Variants in PACRG observed in about 807,000 individuals in gnomAD.
The protein encoded by PACRG is parkin coregulated gene protein.
Under a neutral mutation model 29.7 loss-of-function variants are expected in PACRG, and 29 were observed. The observed-to-expected ratio is 0.98, with a 90% CI of 0.73 to 1.33. The LOEUF is 1.33. Ranked by LOEUF, PACRG falls within the 40% of genes most tolerant of loss-of-function variation. PACRG has a pLI of 0.00. For missense variants in PACRG, 279 were observed against 316.2 expected (o/e 0.88, Z 0.89); for synonymous variants, 116 against 118.7 (o/e 0.98, Z 0.15).
intron 2 of PACRG, among the ~76,000 whole-genome samples, chr6:162,848,852 T>G (rs1584534050): frequency 6.6e-6 from 1 of 152,368 alleles, no homozygotes; most frequent in Middle Eastern, 3.4e-3. Flanking sequence ...GCCTTCTGAA[T>G]TTCAGTGATT....
chr6:163,247,085 T>C (rs1344953962), intron 4 of PACRG, among the ~76,000 whole-genome samples: 1 of 152,198 alleles, frequency 6.6e-6, no homozygotes, highest in Non-Finnish European at 1.5e-5. Flanking sequence ...GGGGCTGAGT[T>C]CATACGCTCC....
intron 2 of PACRG, among the ~76,000 whole-genome samples, chr6:162,966,879 C>G (rs1007608611): frequency 6.6e-6 from 1 of 152,060 alleles, no homozygotes; most frequent in Non-Finnish European, 1.5e-5. Flanking sequence ...ACAAATGGTA[C>G]TTTATTGGAA....
At chr6:163,116,410 A>G (rs1207467692) in intron 4 of PACRG, among the ~76,000 whole-genome samples, 1 of 152,072 alleles carries the variant, frequency 6.6e-6, no homozygotes, top group East Asian at 1.9e-4. Context: ...GGGGACCACA[A>G]TTCGACGTGA....
intron 4 of PACRG, among the ~76,000 whole-genome samples, chr6:163,099,862 C>G (rs530768428): frequency 1.3e-5 from 2 of 152,302 alleles, no homozygotes; most frequent in East Asian, 1.9e-4. Context: ...GTTCTGCCCT[C>G]CCCTGAGTTC....
intron 2 of PACRG, among the ~76,000 whole-genome samples, chr6:162,980,604 G>C (rs1374369712): frequency 1.3e-5 from 2 of 152,072 alleles, no homozygotes; most frequent in African/African-American, 2.4e-5. Flanking sequence ...ACATCCTATG[G>C]AGTAGCAACA....
intron 2 of PACRG, among the ~76,000 whole-genome samples, chr6:162,910,560 A>C (rs1180228052): frequency 6.6e-6 from 1 of 152,228 alleles, no homozygotes; most frequent in Non-Finnish European, 1.5e-5. Context: ...TGAATTGAAA[A>C]AAAACCACAA....
chr6:163,099,889 G>A (rs1463594122), intron 4 of PACRG, among the ~76,000 whole-genome samples: 2 of 152,088 alleles, frequency 1.3e-5, no homozygotes, highest in Non-Finnish European at 1.5e-5. Context: ...TCCTTGAGTC[G>A]CACGTGCTCT....
At chr6:162,982,456 C>G (rs1006437359) in intron 2 of PACRG, among the ~76,000 whole-genome samples, 9 of 151,786 alleles carry the variant, frequency 5.9e-5, no homozygotes, top group African/African-American at 1.9e-4. Flanking sequence ...GAATTTTCCT[C>G]TTGGCAACAC....
chr6:163,179,216 G>T (rs1274787316), intron 4 of PACRG: 1 of 455,784 alleles, frequency 2.2e-6, no homozygotes, highest in African/African-American at 2.0e-5. Flanking sequence ...TATCTTGGAG[G>T]CTGGGCTCCT....
At chr6:163,221,926 C>A (rs924422154) in intron 4 of PACRG, among the ~76,000 whole-genome samples, 5 of 152,188 alleles carry the variant, frequency 3.3e-5, no homozygotes, top group African/African-American at 1.2e-4. Context: ...TTCTAATCCG[C>A]AGCTCTGGGA....
chr6:162,791,499 C>T (rs527784979), intron 1 of PACRG, among the ~76,000 whole-genome samples: 2 of 152,150 alleles, frequency 1.3e-5, no homozygotes, highest in South Asian at 2.1e-4. Flanking sequence ...TTATAGATTG[C>T]CTGATCCTTC....
At chr6:162,762,079 G>A (rs940617259) in intron 1 of PACRG, among the ~76,000 whole-genome samples, 2 of 151,614 alleles carry the variant, frequency 1.3e-5, no homozygotes, top group South Asian at 4.2e-4. Flanking sequence ...CTGCTGTCAT[G>A]TTCATTGTAT....
intron 2 of PACRG, among the ~76,000 whole-genome samples, chr6:162,980,058 A>G (rs1223477351): frequency 6.6e-6 from 1 of 152,112 alleles, no homozygotes; most frequent in Non-Finnish European, 1.5e-5. Context: ...TTAATGGTGG[A>G]ATTTAATAAA....
At chr6:163,058,272 T>G (rs913214123) in intron 2 of PACRG, among the ~76,000 whole-genome samples, 10 of 152,140 alleles carry the variant, frequency 6.6e-5, no homozygotes, top group Non-Finnish European at 1.5e-4. Flanking sequence ...TGCAGCTCTT[T>G]GTCCGTCAGG....
intron 4 of PACRG, chr6:163,101,206 A>G (rs1355811001): frequency 2.0e-6 from 2 of 983,150 alleles, no homozygotes; most frequent in African/African-American, 3.5e-5. Context: ...TCTTGAAAGT[A>G]TCTTTGTCAC....
intron 4 of PACRG, among the ~76,000 whole-genome samples, chr6:163,102,062 G>T (rs1008796994): frequency 3.3e-5 from 5 of 152,024 alleles, no homozygotes; most frequent in Non-Finnish European, 7.4e-5. Context: ...CCAGAGCCTC[G>T]CCCGGTGAAC....
At chr6:163,117,745 C>G (rs906381955) in intron 4 of PACRG, among the ~76,000 whole-genome samples, 1 of 130,204 alleles carries the variant, frequency 7.7e-6, no homozygotes, top group Admixed American at 7.9e-5. Context: ...GAACGAGACT[C>G]TGTCTCAAAA....
At chr6:163,234,830 G>T (rs985130431) in intron 4 of PACRG, among the ~76,000 whole-genome samples, 2 of 152,130 alleles carry the variant, frequency 1.3e-5, no homozygotes, top group African/African-American at 4.8e-5. Context: ...TCATATAGAG[G>T]TAAAACAGAA....
chr6:162,855,066 T>A (rs1444006444), intron 2 of PACRG, among the ~76,000 whole-genome samples: 1 of 152,236 alleles, frequency 6.6e-6, no homozygotes. Flanking sequence ...CCCCACGCAG[T>A]CTCATGTGAA....
Sources: allele counts gnomAD v4.1 joint callset (sites outside exome capture counted in the v4.1 genomes callset), GRCh38; gene constraint gnomAD v4.1.1; transcripts MANE v1.5; gene names NCBI Gene and HGNC (gene_info 2026-07-23, HGNC 2026-07-21).